The following HMCN1 variants were observed in gnomAD, a reference collection of about 807,000 sequenced individuals.
HMCN1 encodes the protein hemicentin 1.
HMCN1 carries 321 observed loss-of-function variants against 625.9 expected under a neutral mutation model. The observed-to-expected ratio is 0.51, with a 90% CI of 0.47 to 0.56. The LOEUF is 0.56. Ranked by LOEUF, HMCN1 falls within the 20% of genes least tolerant of loss-of-function variation. The pLI is 0.00. For synonymous variants in HMCN1, 2,425 were observed against 2,417.6 expected (o/e 1.00, Z -0.09); for missense variants, 6,588 against 6,887.3 (o/e 0.96, Z 1.54).
rs1362868721 is a variant in HMCN1, at chr1:186,119,222, C to A, written c.11880C>A (p.Asn3960Lys). Residue 3960 changes from asparagine to lysine, a missense_variant, in exon 78 of 107, where the codon AAC (asparagine) becomes AAA (lysine). By Grantham distance (94) the Asn-to-Lys change is moderately conservative. This residue lies in a region of HMCN1 where 4,628 missense variants were observed against 4,853.1 expected (regional missense o/e 0.95). Coordinates refer to ENST00000271588, the MANE Select transcript of HMCN1 (RefSeq NM_031935.3). ...GAIEILATQLNHAGRYTCVAR... is the reference protein window; with the variant it reads ...GAIEILATQLKHAGRYTCVAR... ...TTGAAATACTTGCCACCCAATTAAA[C>A]CATGCTGGAAGATACACTTGTGTCG... is the stretch of plus-strand genomic sequence containing the variant. 3.1e-6 allele frequency: 5 copies of A among 1,613,666 alleles called. No individual in the cohort carries two copies. The African/African-American group carries it at 5.3e-5, about 17-fold the overall frequency.
intron 4 of HMCN1, among the ~76,000 whole-genome samples, chr1:185,872,167 C>T (rs6689228): frequency 0.048 from 7,310 of 151,994 alleles, 605 homozygotes; most frequent in African/African-American, 0.16. Flanking sequence ...GAGCCGATTC[C>T]TTAAAATAAA....
In HMCN1 at chr1:185,852,938, G is replaced by C. The variant is rs1662251131; in HGVS notation, c.339+6842G>C. Among the ~76,000 whole-genome samples, 2 of 151,960 alleles carry C rather than the reference G, an allele frequency of 1.3e-5. 1 individual carries two copies. Among genetic ancestry groups the C allele is most frequent in the South Asian group, 4.1e-4 (2 of 4,822 alleles). ...TCTTTTTATAAATGAGGAATCTCAAGCTTTTTGATATTAGGTAACATGTCT... is the reference window on the plus strand; with the variant it reads ...TCTTTTTATAAATGAGGAATCTCAACCTTTTTGATATTAGGTAACATGTCT... On this transcript the variant is annotated intron_variant, in intron 2 of 106. Coordinates refer to ENST00000271588, the MANE Select transcript of HMCN1 (RefSeq NM_031935.3).
rs1038657797 is a variant in HMCN1, at chr1:186,110,954, C to T, written c.10990-1858C>T. ...ATTTGGAAGAATTATAGGTGGTCTA[C>T]GGAAGAAAAACCAGAGAAAATTCTT... is the stretch of plus-strand genomic sequence containing the variant. On this transcript the variant is annotated intron_variant, in intron 71 of 106. Transcript: ENST00000271588. 4.2e-5 allele frequency among the ~76,000 whole-genome samples: 5 copies of T among 117,992 alleles called. No homozygotes were observed. In the South Asian group the frequency reaches 1.1e-3, roughly 26 times the overall value. 77.4% of individuals were successfully genotyped at this position (117,992 alleles called of 152,430 possible). A position where few individuals can be genotyped will look rare whatever the true frequency, so the allele number is the denominator to read the frequency against.
intron 89 of HMCN1, among the ~76,000 whole-genome samples, chr1:186,140,814 C>T (rs1338704457): frequency 6.6e-6 from 1 of 152,102 alleles, no homozygotes; most frequent in Non-Finnish European, 1.5e-5. Context: ...TCAATCAGGA[C>T]TCAGGTATTA....
At chr1:185,881,921 G>T (rs977594226) in intron 4 of HMCN1, among the ~76,000 whole-genome samples, 2 of 152,138 alleles carry the variant, frequency 1.3e-5, no homozygotes, top group Non-Finnish European at 2.9e-5. Context: ...AAGTCTCTTA[G>T]TGTTTTCTCT....
At chr1:186,095,162 G>T in intron 67 of HMCN1, 81 bp from the exon 68 acceptor site, 1 of 1,352,942 alleles carries the variant, frequency 7.4e-7, no homozygotes, top group Admixed American at 1.7e-5. Context: ...AAACATTATA[G>T]AATTATTCAA....
Position 186,115,371 on chromosome 1 carries a change from A to C in HMCN1, c.11518A>C (p.Asn3840His). Residue 3840 changes from asparagine (N) to histidine (H), a missense_variant, in exon 75 of 107, where the codon AAT becomes CAT. Asn to His is a moderately conservative substitution (Grantham distance 68, BLOSUM62 1). Around this residue, in one of 3 missense-constraint regions of HMCN1, gnomAD observed 4,628 missense variants for 4,853.1 expected, o/e 0.95. Transcript: ENST00000271588. ...AAAACCATCAATCAATTGGAGAAAA[A>C]ATGGGCATCTTCTTAATGTGGATCA... is the stretch of plus-strand genomic sequence containing the variant. ...IPKPSINWRK[N>H]GHLLNVDQNQ... 1 of 1,613,956 alleles carries C rather than the reference A, an allele frequency of 6.2e-7. No individual in the cohort carries two copies. Among genetic ancestry groups the C allele is most frequent in the Admixed American group, 1.7e-5 (1 of 60,024 alleles).
chr1:186,164,086 A>G (rs546022591), intron 97 of HMCN1, among the ~76,000 whole-genome samples: 73 of 152,338 alleles, frequency 4.8e-4, no homozygotes, highest in African/African-American at 1.4e-3. Context: ...CAACCGTGCA[A>G]TGATCACTTA....
chr1:186,078,255 A>C, intron 55 of HMCN1, 35 bp downstream of exon 55: 2 of 1,454,656 alleles, frequency 1.4e-6, no homozygotes, highest in Non-Finnish European at 1.9e-6. Flanking sequence ...TCATTCTTTT[A>C]CTGAAAAGTA....
chr1:186,154,021 C>T (rs749417772), intron 97 of HMCN1, 34 bp downstream of exon 97: 37 of 1,539,030 alleles, frequency 2.4e-5, no homozygotes, highest in South Asian at 1.2e-4. Flanking sequence ...TATCTTTATG[C>T]CATCCAGTCT....
At chr1:185,791,173 C>T (rs562440836) in intron 1 of HMCN1, among the ~76,000 whole-genome samples, 3 of 152,064 alleles carry the variant, frequency 2.0e-5, no homozygotes, top group East Asian at 1.9e-4. Flanking sequence ...ATGCACAGCT[C>T]GTTTTCATGT....
chr1:186,136,447 G>A (rs1649606957), intron 86 of HMCN1, among the ~76,000 whole-genome samples: 1 of 151,978 alleles, frequency 6.6e-6, no homozygotes, highest in South Asian at 2.1e-4. Context: ...CCATGCTCTA[G>A]GCTAATCTCA....
At chr1:185,955,166 G>A (rs896139808) in intron 11 of HMCN1, among the ~76,000 whole-genome samples, 1 of 151,900 alleles carries the variant, frequency 6.6e-6, no homozygotes, top group Non-Finnish European at 1.5e-5. Flanking sequence ...TTTAGAATGG[G>A]GACTTTCTTC....
At position 186,090,924 on chromosome 1, in the gene HMCN1, T is replaced by C. The variant is rs1571339138; in HGVS notation, c.9887+7T>C. 6.2e-7 allele frequency: 1 copy of C among 1,610,642 alleles called. No individual in the cohort carries two copies. ...GTGAAACAGAAAGAATCCGGTATGT[T>C]TAAAAATAATCTTTCCATTATAAAT... On this transcript the variant is annotated splice_region_variant and intron_variant, in intron 64 of 106. Coordinates refer to ENST00000271588, the MANE Select transcript of HMCN1 (RefSeq NM_031935.3).
intron 19 of HMCN1, 35 bp from the exon 20 acceptor site, chr1:185,987,397 G>A: frequency 1.6e-6 from 2 of 1,246,916 alleles, no homozygotes; most frequent in Non-Finnish European, 2.4e-6. Context: ...TGGAAGAACA[G>A]GTGCTCAGAT....
At chr1:185,844,337 A>C (rs1661674575) in intron 1 of HMCN1, among the ~76,000 whole-genome samples, 1 of 152,172 alleles carries the variant, frequency 6.6e-6, no homozygotes, top group African/African-American at 2.4e-5. Context: ...TTCAAACTGC[A>C]AAGTGTCTAA....
intron 1 of HMCN1, among the ~76,000 whole-genome samples, chr1:185,755,337 A>C (rs1023907508): frequency 2.0e-5 from 3 of 152,208 alleles, no homozygotes; most frequent in African/African-American, 7.2e-5. Flanking sequence ...CTTTGTGGAA[A>C]TTAGAAAAAG....
At chr1:186,138,019 T>G in intron 89 of HMCN1, 47 bp downstream of exon 89, 12 of 1,597,684 alleles carry the variant, frequency 7.5e-6, no homozygotes, top group Non-Finnish European at 7.7e-6. Context: ...TTTTCTATCT[T>G]AACCCCTATG....
At chr1:186,005,380 ATGTT>A (rs1167389370) in intron 29 of HMCN1, among the ~76,000 whole-genome samples, 1 of 147,098 alleles carries the variant, frequency 6.8e-6, no homozygotes, top group Non-Finnish European at 1.5e-5. Context: ...TTGTTTATAA[ATGTT>A]TATAAACAAG....
Sources: allele counts gnomAD v4.1 joint callset (sites outside exome capture counted in the v4.1 genomes callset), GRCh38; gene constraint gnomAD v4.1.1; regional missense constraint gnomAD v4.1.1; transcripts MANE v1.5; gene names NCBI Gene and HGNC (gene_info 2026-07-23, HGNC 2026-07-21).